MGAT4C: variants seen among roughly 807,000 people sequenced by gnomAD.
MGAT4C encodes MGAT4 family member C, also known as alpha-1,3-mannosyl-glycoprotein 4-beta-N-acetylglucosaminyltransferase C.
MGAT4C carries 19 observed loss-of-function variants against 40.1 expected under a neutral mutation model. That is an observed-to-expected ratio of 0.47 (90% CI 0.33 to 0.70). The LOEUF is 0.70. MGAT4C is among the 30% of genes least tolerant of loss of function. MGAT4C has a pLI of 0.02. For synonymous variants in MGAT4C, 181 were observed against 187.1 expected (o/e 0.97, Z 0.27); for missense variants, 491 against 563.2 (o/e 0.87, Z 1.30).
At chr12:86,745,572 G>C (rs530053064) in intron 1 of MGAT4C, among the ~76,000 whole-genome samples, 179 of 151,420 alleles carry the variant, frequency 1.2e-3, no homozygotes, top group Non-Finnish European at 1.9e-3. Flanking sequence ...GGAAATAGAG[G>C]GGAAAATATA....
At chr12:86,520,895 G>A (rs1395865919) in intron 2 of MGAT4C, among the ~76,000 whole-genome samples, 1 of 151,844 alleles carries the variant, frequency 6.6e-6, no homozygotes, top group African/African-American at 2.4e-5. Flanking sequence ...GTCTGTTCTT[G>A]TCCTCTGTCC....
At chr12:86,765,533 T>C (rs1951489995) in intron 1 of MGAT4C, among the ~76,000 whole-genome samples, 1 of 152,176 alleles carries the variant, frequency 6.6e-6, no homozygotes, top group South Asian at 2.1e-4. Flanking sequence ...AAGATACCCC[T>C]TGAGAAGAGC....
chr12:86,603,638 T>G (rs1222360250), intron 2 of MGAT4C, among the ~76,000 whole-genome samples: 26 of 126,854 alleles, frequency 2.0e-4, no homozygotes, highest in Non-Finnish European at 3.2e-4. Flanking sequence ...ATAGACTATA[T>G]ATAGTATATA....
intron 1 of MGAT4C, among the ~76,000 whole-genome samples, chr12:86,208,562 C>G (rs1175660962): frequency 6.6e-6 from 1 of 152,284 alleles, no homozygotes; most frequent in East Asian, 1.9e-4. Flanking sequence ...GCAGGAATGT[C>G]TTTACCAAGA....
At chr12:86,346,652 C>G (rs79325008) in intron 3 of MGAT4C, among the ~76,000 whole-genome samples, 1 of 152,148 alleles carries the variant, frequency 6.6e-6, no homozygotes, top group Non-Finnish European at 1.5e-5. Flanking sequence ...AGGATAACTG[C>G]AACTTTTGTT....
At chr12:86,773,962 T>C (rs1951684496) in intron 1 of MGAT4C, among the ~76,000 whole-genome samples, 1 of 139,414 alleles carries the variant, frequency 7.2e-6, no homozygotes, top group South Asian at 2.3e-4. Context: ...TTTTTTTTTT[T>C]TTTTTTTTTG....
rs1357445401 is a variant in MGAT4C at position 85,969,157 on chromosome 12, G to C, written c.*10132C>G. 6.6e-6 allele frequency: 1 copy of C among 151,600 alleles called. No homozygotes were observed. The highest frequency in any genetic ancestry group is 1.9e-4 in the East Asian group (1 of 5,180). 9.4% of individuals were successfully genotyped at this position (151,600 alleles called of 1,614,324 possible). On this transcript the variant is annotated 3_prime_UTR_variant, in exon 5 of 5. Coordinates refer to ENST00000611864, the MANE Select transcript of MGAT4C (RefSeq NM_001351288.2). ...ACACACATTTTCAATATATTGAAAA[G>C]ATGATTCTTTTGCATGATGACTTGT...
chr12:86,051,042 AT>A (rs1466501550), intron 1 of MGAT4C, among the ~76,000 whole-genome samples: 1 of 100,650 alleles, frequency 9.9e-6, no homozygotes, highest in African/African-American at 3.3e-5. Flanking sequence ...CCATGCAAGC[AT>A]TGTGTATTTG....
intron 2 of MGAT4C, among the ~76,000 whole-genome samples, chr12:86,569,465 C>A (rs996474224): frequency 6.6e-6 from 1 of 151,928 alleles, no homozygotes; most frequent in Admixed American, 6.6e-5. Flanking sequence ...AAATCAAAAC[C>A]TTGATATGAT....
At chr12:86,538,450 G>C (rs1462246204) in intron 2 of MGAT4C, among the ~76,000 whole-genome samples, 2 of 152,150 alleles carry the variant, frequency 1.3e-5, no homozygotes, top group Non-Finnish European at 2.9e-5. Flanking sequence ...GGATCTTTCA[G>C]TAATGCCTGA....
At chr12:86,649,263 T>C (rs1289856055) in intron 2 of MGAT4C, among the ~76,000 whole-genome samples, 1 of 151,790 alleles carries the variant, frequency 6.6e-6, no homozygotes, top group Non-Finnish European at 1.5e-5. Flanking sequence ...ATTATAATAG[T>C]TTTGTACCCA....
intron 2 of MGAT4C, among the ~76,000 whole-genome samples, chr12:86,558,221 T>G (rs1205771652): frequency 6.6e-6 from 1 of 152,026 alleles, no homozygotes; most frequent in South Asian, 2.1e-4. Flanking sequence ...CATCATAAAG[T>G]GATAAAATAT....
rs566530219 is a variant in MGAT4C, at chr12:85,957,785, T to C, written c.*21504A>G. The stretch of plus-strand genomic sequence containing the variant: ...CTAAGGGGTTAATCGGTCAGGGTAG[T>C]GCAGGTGGTGCATGCATTTAATAAT... On this transcript the variant is annotated 3_prime_UTR_variant, in exon 5 of 5. Coordinates refer to ENST00000611864, the MANE Select transcript of MGAT4C (RefSeq NM_001351288.2). 6.6e-6 allele frequency: 1 copy of C among 151,888 alleles called. No homozygotes were observed. The highest frequency in any genetic ancestry group is 1.9e-4 in the East Asian group (1 of 5,174). 9.4% of individuals were successfully genotyped at this position (151,888 alleles called of 1,614,324 possible).
At chr12:86,191,406 A>C (rs1331862926) in intron 1 of MGAT4C, among the ~76,000 whole-genome samples, 1 of 151,912 alleles carries the variant, frequency 6.6e-6, no homozygotes, top group Non-Finnish European at 1.5e-5. Context: ...TACATTGAAA[A>C]TATCTCCTAA....
chr12:86,127,406 G>T (rs1187551559), intron 1 of MGAT4C, among the ~76,000 whole-genome samples: 2 of 152,296 alleles, frequency 1.3e-5, no homozygotes, highest in East Asian at 3.9e-4. Context: ...ACTGGAAGTT[G>T]CTCTGAGTGA....
rs183952352 is a variant in MGAT4C at position 86,717,879 on chromosome 12, G to C, written c.-229+9330C>G. On this transcript the variant is annotated intron_variant, in intron 2 of 7. Coordinates refer to the MGAT4C transcript ENST00000548651. Reference sequence around the variant, plus strand: ...GTTTCTACTTCACAGTTTATTATTAGGAAATTTGATATAAATTTTTGGCTA... The same window carrying C: ...GTTTCTACTTCACAGTTTATTATTACGAAATTTGATATAAATTTTTGGCTA... 1.2e-4 allele frequency among the ~76,000 whole-genome samples: 19 copies of C among 152,148 alleles called. No individual in the cohort carries two copies. The East Asian group carries it at 3.3e-3, about 26-fold the overall frequency.
rs1883774459 is a variant in MGAT4C at position 85,974,026 on chromosome 12, C to T, written c.*5263G>A. 6.6e-6 allele frequency: 1 copy of T among 150,762 alleles called. No homozygotes were observed. 9.3% of individuals were successfully genotyped at this position (150,762 alleles called of 1,614,324 possible). On this transcript the variant is annotated 3_prime_UTR_variant, in exon 5 of 5. Transcript: ENST00000611864. ...GGACTAGAACTTTGGGAAAGTGCAA[C>T]CTTGTTATCTTAATATTTTTATAGC...
At chr12:86,560,228 T>A (rs1293576867) in intron 2 of MGAT4C, among the ~76,000 whole-genome samples, 3 of 152,066 alleles carry the variant, frequency 2.0e-5, no homozygotes, top group East Asian at 1.9e-4. Flanking sequence ...ATAACATCAA[T>A]TTTTTTCAGA....
At chr12:86,774,419 C>CTCTCTCTCTT (rs1555227886) in intron 1 of MGAT4C, among the ~76,000 whole-genome samples, 1 of 102,868 alleles carries the variant, frequency 9.7e-6, no homozygotes, top group African/African-American at 3.0e-5. Context: ...CTCTCTCTCT[C>CTCTCTCTCTT]TCTTTCTTTC....
Sources: allele counts gnomAD v4.1 joint callset (sites outside exome capture counted in the v4.1 genomes callset), GRCh38; gene constraint gnomAD v4.1.1; transcripts MANE v1.5; gene names NCBI Gene and HGNC (gene_info 2026-07-23, HGNC 2026-07-21).